CAMTA1: variants seen among roughly 807,000 people sequenced by gnomAD.
CAMTA1 encodes the protein calmodulin binding transcription activator 1.
Under a neutral mutation model 170.9 loss-of-function variants are expected in CAMTA1, and 27 were observed. That is an observed-to-expected ratio of 0.16 (90% CI 0.12 to 0.22). CAMTA1 has a LOEUF of 0.22. CAMTA1 is among the 10% of genes least tolerant of loss of function. The pLI, the probability that CAMTA1 is intolerant of heterozygous loss-of-function variation, is 1.00. For missense variants in CAMTA1, 1,619 were observed against 2,217.2 expected (o/e 0.73, Z 5.42); for synonymous variants, 833 against 891.5 (o/e 0.93, Z 1.17).
chr1:7,652,720 C>T (rs993583364), intron 7 of CAMTA1, among the ~76,000 whole-genome samples: 3 of 152,166 alleles, frequency 2.0e-5, no homozygotes, highest in South Asian at 2.1e-4. Context: ...TTGCTGCTCA[C>T]GGCCAGCACC....
chr1:7,741,632 T>C (rs1043684457), intron 16 of CAMTA1, among the ~76,000 whole-genome samples: 5 of 151,924 alleles, frequency 3.3e-5, no homozygotes, highest in African/African-American at 1.2e-4. Context: ...CGGTGGCTCA[T>C]GCCTGTATTC....
chr1:7,667,095 C>T (rs1206577690), intron 9 of CAMTA1, among the ~76,000 whole-genome samples: 2 of 152,002 alleles, frequency 1.3e-5, no homozygotes, highest in African/African-American at 4.8e-5. Flanking sequence ...CACCATGTTT[C>T]CCAGGCTGGT....
chr1:7,383,279 A>C (rs845207), intron 5 of CAMTA1, among the ~76,000 whole-genome samples: 1 of 152,060 alleles, frequency 6.6e-6, no homozygotes, highest in South Asian at 2.1e-4. Flanking sequence ...AAAGCATTTT[A>C]TATTCCCTAA....
chr1:7,315,130 G>A (rs776776373), intron 5 of CAMTA1, among the ~76,000 whole-genome samples: 20 of 152,178 alleles, frequency 1.3e-4, no homozygotes, highest in Admixed American at 3.9e-4. Flanking sequence ...CCCTTCTCCT[G>A]GAAAGCAATT....
At chr1:6,999,350 T>G (rs1390374656) in intron 3 of CAMTA1, among the ~76,000 whole-genome samples, 3 of 152,206 alleles carry the variant, frequency 2.0e-5, no homozygotes, top group African/African-American at 7.2e-5. Flanking sequence ...AGCATGGTGC[T>G]CATCACTTGG....
At chr1:7,342,467 C>A (rs745494000) in intron 5 of CAMTA1, among the ~76,000 whole-genome samples, 11 of 152,128 alleles carry the variant, frequency 7.2e-5, no homozygotes, top group Admixed American at 7.2e-4. Flanking sequence ...TCAGGTTGTG[C>A]CTGGAGGAGT....
chr1:6,920,987 A>G (rs1270242603), intron 3 of CAMTA1, among the ~76,000 whole-genome samples: 2 of 152,332 alleles, frequency 1.3e-5, no homozygotes, highest in East Asian at 1.9e-4. Flanking sequence ...TGTCTTGGGG[A>G]CTAACATTCG....
At chr1:7,145,005 G>T (rs1349743252) in intron 4 of CAMTA1, among the ~76,000 whole-genome samples, 1 of 152,238 alleles carries the variant, frequency 6.6e-6, no homozygotes, top group Non-Finnish European at 1.5e-5. Context: ...ACCTGGATTC[G>T]CTTTCTTCTA....
intron 3 of CAMTA1, among the ~76,000 whole-genome samples, chr1:7,035,257 G>A (rs1055834917): frequency 7.2e-5 from 11 of 152,206 alleles, no homozygotes; most frequent in Non-Finnish European, 1.3e-4. Context: ...AAAATAAGCC[G>A]GGTGTGGTGG....
chr1:7,246,013 G>A (rs1356836420), intron 4 of CAMTA1, among the ~76,000 whole-genome samples: 2 of 152,190 alleles, frequency 1.3e-5, no homozygotes, highest in African/African-American at 2.4e-5. Flanking sequence ...TTGCCCCAGA[G>A]TGACCCCAGC....
At chr1:7,019,526 T>C (rs1701056118) in intron 3 of CAMTA1, among the ~76,000 whole-genome samples, 1 of 152,130 alleles carries the variant, frequency 6.6e-6, no homozygotes, top group Admixed American at 6.5e-5. Context: ...AGGGGCCCTT[T>C]AGCAGAACCC....
intron 5 of CAMTA1, among the ~76,000 whole-genome samples, chr1:7,429,070 C>T (rs188489599): frequency 6.6e-5 from 10 of 152,314 alleles, no homozygotes; most frequent in Admixed American, 2.6e-4. Context: ...TCTGCTTCCA[C>T]GAAATGCTCT....
intron 5 of CAMTA1, among the ~76,000 whole-genome samples, chr1:7,320,007 C>T (rs911957971): frequency 6.6e-6 from 1 of 152,146 alleles, no homozygotes; most frequent in African/African-American, 2.4e-5. Flanking sequence ...ATCTGCAGTA[C>T]TCTGGGTATT....
chr1:7,498,991 T>A (rs565513821), intron 6 of CAMTA1, among the ~76,000 whole-genome samples: 31 of 132,336 alleles, frequency 2.3e-4, no homozygotes, highest in Admixed American at 2.2e-3. Flanking sequence ...TGCGTGTGTA[T>A]GTATATGAGT....
chr1:7,128,363 G>A (rs1645052959), intron 4 of CAMTA1, among the ~76,000 whole-genome samples: 1 of 152,194 alleles, frequency 6.6e-6, no homozygotes, highest in African/African-American at 2.4e-5. Context: ...CCCCAACACG[G>A]GTGGCCAGGG....
At chr1:6,883,134 T>A (rs995260282) in intron 3 of CAMTA1, among the ~76,000 whole-genome samples, 1 of 152,102 alleles carries the variant, frequency 6.6e-6, no homozygotes, top group African/African-American at 2.4e-5. Flanking sequence ...CTTCAAGTGA[T>A]CCACATGCCT....
intron 22 of CAMTA1, among the ~76,000 whole-genome samples, chr1:7,765,679 C>CT (rs1220121353): frequency 1.3e-5 from 2 of 152,148 alleles, no homozygotes; most frequent in African/African-American, 4.8e-5. Flanking sequence ...TTCAAGAAAG[C>CT]TAACAATCTT....
chr1:7,677,823 C>G, intron 11 of CAMTA1, 90 bp downstream of exon 11: 2 of 1,453,528 alleles, frequency 1.4e-6, no homozygotes, highest in Admixed American at 4.1e-5. Context: ...AGAGTAAGCA[C>G]CCAGAAAGGG....
At chr1:6,850,926 C>G (rs923366538) in intron 3 of CAMTA1, among the ~76,000 whole-genome samples, 1 of 152,192 alleles carries the variant, frequency 6.6e-6, no homozygotes, top group Non-Finnish European at 1.5e-5. Flanking sequence ...CAGCTCCAGA[C>G]CCTCTCAGTT....
Sources: gnomAD v4.1 joint callset for allele counts (sites outside exome capture counted in the v4.1 genomes callset) on GRCh38, gnomAD v4.1.1 for gene constraint, MANE v1.5 for transcripts, NCBI Gene and HGNC (gene_info 2026-07-23, HGNC 2026-07-21) for gene names.